The following EYS variants were observed in gnomAD, a reference collection of about 807,000 sequenced individuals.
The protein encoded by EYS is EGF-like photoreceptor maintenance factor.
EYS carries 250 observed loss-of-function variants against 282.1 expected under a neutral mutation model. The ratio of observed to expected loss-of-function variants is 0.89; its 90% CI spans 0.80 to 0.98. EYS has a LOEUF of 0.98. Ranked by LOEUF, EYS falls within the 50% of genes least tolerant of loss-of-function variation. The pLI, the probability that EYS is intolerant of heterozygous loss-of-function variation, is 0.00. For synonymous variants in EYS, 1,355 were observed against 1,282.9 expected (o/e 1.06, Z -1.20); for missense variants, 4,016 against 3,709.0 (o/e 1.08, Z -2.15).
chr6:65,379,299 A>G (rs906174198), intron 8 of EYS, among the ~76,000 whole-genome samples: 5 of 152,142 alleles, frequency 3.3e-5, no homozygotes, highest in African/African-American at 1.2e-4. Flanking sequence ...ATGGGATGCA[A>G]AGATAGTTCA....
chr6:65,635,773 G>A (rs944347637), intron 2 of EYS, among the ~76,000 whole-genome samples: 1 of 152,154 alleles, frequency 6.6e-6, no homozygotes, highest in Non-Finnish European at 1.5e-5. Context: ...TGAGATATTT[G>A]TTCAGGTTTT....
intron 31 of EYS, among the ~76,000 whole-genome samples, chr6:64,093,425 T>G (rs561984234): frequency 2.0e-5 from 3 of 152,302 alleles, no homozygotes; most frequent in East Asian, 3.9e-4. Flanking sequence ...CCTCTTTTAT[T>G]TCATTGAGCA....
At chr6:63,818,465 T>G (rs1033278273) in intron 36 of EYS, among the ~76,000 whole-genome samples, 1 of 152,242 alleles carries the variant, frequency 6.6e-6, no homozygotes, top group Non-Finnish European at 1.5e-5. Context: ...ACCAGAACAC[T>G]TTTTCACCTG....
At position 64,676,315 on chromosome 6, in the gene EYS, T is replaced by A. The variant is rs574934340; in HGVS notation, c.3444-50070A>T. 2.9e-5 allele frequency among the ~76,000 whole-genome samples: 4 copies of A among 137,200 alleles called. No homozygotes were observed. In the South Asian group the frequency reaches 9.6e-4, roughly 33 times the overall value. The allele number at this position is 137,200 out of a possible 152,430, so 90.0% of individuals were successfully genotyped here. On this transcript the variant is annotated intron_variant, in intron 22 of 42. Transcript: ENST00000503581. ...TATATCTATATCTATATCCAATATA[T>A]CTATATATATATATCTATATATCTA...
intron 29 of EYS, among the ~76,000 whole-genome samples, chr6:64,314,213 A>AAAAAAAAAAAC: frequency 6.7e-6 from 1 of 149,948 alleles, no homozygotes; most frequent in African/African-American, 2.4e-5. Flanking sequence ...AAAAAAAAAA[A>AAAAAAAAAAAC]AAAAAGCAGG....
intron 39 of EYS, among the ~76,000 whole-genome samples, chr6:63,786,540 G>A (rs374185912): frequency 6.6e-6 from 1 of 151,908 alleles, no homozygotes; most frequent in Admixed American, 6.6e-5. Context: ...GTCAAGGGGT[G>A]GGGGGCAAGG....
chr6:63,753,950 C>A (rs1202856655), intron 41 of EYS, among the ~76,000 whole-genome samples: 1 of 148,154 alleles, frequency 6.7e-6, no homozygotes, highest in Non-Finnish European at 1.5e-5. Flanking sequence ...TCTTACCCAT[C>A]CTTTGAAACC....
chr6:63,857,507 A>G (rs1287436868), intron 36 of EYS: 2 of 234,046 alleles, frequency 8.5e-6, no homozygotes, highest in Non-Finnish European at 1.8e-5. Context: ...TCAAAGCCAT[A>G]AGTACTATTT....
intron 31 of EYS, among the ~76,000 whole-genome samples, chr6:64,181,514 C>A (rs1764787316): frequency 6.6e-6 from 1 of 152,044 alleles, no homozygotes. Flanking sequence ...TTTATAAACA[C>A]ACAATGAATA....
At chr6:65,206,421 G>T (rs1008850379) in intron 12 of EYS, among the ~76,000 whole-genome samples, 1 of 151,172 alleles carries the variant, frequency 6.6e-6, no homozygotes, top group Non-Finnish European at 1.5e-5. Context: ...ATAAGCCCAG[G>T]ACCAACAGAT....
chr6:64,259,459 A>G (rs1360021497), intron 30 of EYS, among the ~76,000 whole-genome samples: 2 of 151,936 alleles, frequency 1.3e-5, no homozygotes, highest in Admixed American at 6.6e-5. Context: ...TCACAACCCA[A>G]GAATATCTTT....
At chr6:64,891,318 T>C (rs1476017959) in intron 18 of EYS, among the ~76,000 whole-genome samples, 1 of 152,092 alleles carries the variant, frequency 6.6e-6, no homozygotes, top group East Asian at 1.9e-4. Context: ...AGCAACTACC[T>C]TTAATCCTTG....
intron 14 of EYS, among the ~76,000 whole-genome samples, chr6:64,989,799 T>TACACACACAC (rs3033931): frequency 1.4e-5 from 2 of 140,148 alleles, no homozygotes; most frequent in African/African-American, 5.2e-5. Flanking sequence ...TATATATTCA[T>TACACACACAC]ACACACACAC....
rs151098995 is a variant in EYS at position 65,376,744 on chromosome 6, G to A, written c.1299+7642C>T. Among the ~76,000 whole-genome samples, 395 of 152,108 alleles carry A rather than the reference G, an allele frequency of 2.6e-3. 3 individuals are homozygous for A. The highest frequency in any genetic ancestry group is 0.018 in the South Asian group (86 of 4,812). On this transcript the variant is annotated intron_variant, in intron 8 of 42. Coordinates refer to ENST00000503581, the MANE Select transcript of EYS (RefSeq NM_001142800.2). ...AGTCCTAGTCTCTGATAAAACAGACGTTAAACCAAGAAATATCAAAAAAGA... is the reference window on the plus strand; with the variant it reads ...AGTCCTAGTCTCTGATAAAACAGACATTAAACCAAGAAATATCAAAAAAGA...
intron 2 of EYS, among the ~76,000 whole-genome samples, chr6:65,545,210 A>T (rs1448428471): frequency 6.7e-6 from 1 of 149,416 alleles, no homozygotes; most frequent in Non-Finnish European, 1.5e-5. Flanking sequence ...GGTGCGAGCC[A>T]CTGTTCCTGG....
chr6:65,625,985 C>A (rs1024856630), intron 2 of EYS, among the ~76,000 whole-genome samples: 6 of 151,846 alleles, frequency 4.0e-5, no homozygotes, highest in African/African-American at 1.5e-4. Context: ...GAAATTATTC[C>A]TTCCCTTCCT....
At chr6:64,199,232 A>G (rs1409480386) in intron 31 of EYS, among the ~76,000 whole-genome samples, 27 of 152,196 alleles carry the variant, frequency 1.8e-4, no homozygotes, top group Admixed American at 1.8e-3. Flanking sequence ...GTACCAAAAC[A>G]GATATATAGA....
intron 37 of EYS, among the ~76,000 whole-genome samples, chr6:63,792,944 G>A (rs1360823822): frequency 6.6e-6 from 1 of 152,198 alleles, no homozygotes; most frequent in Non-Finnish European, 1.5e-5. Context: ...CAATATGCAT[G>A]TTTGCTCTTT....
chr6:64,502,227 TTTTTGTTTTG>T (rs539704993), intron 26 of EYS, among the ~76,000 whole-genome samples: 3 of 149,208 alleles, frequency 2.0e-5, no homozygotes, highest in Non-Finnish European at 4.5e-5. Flanking sequence ...GCTGGTTTTT[TTTTTGTTTTG>T]TTTTGTTTTG....
Sources: gnomAD v4.1 joint callset for allele counts (sites outside exome capture counted in the v4.1 genomes callset) on GRCh38, gnomAD v4.1.1 for gene constraint, MANE v1.5 for transcripts, NCBI Gene and HGNC (gene_info 2026-07-23, HGNC 2026-07-21) for gene names.